Variants in CRACD observed in about 807,000 individuals in gnomAD.
CRACD encodes capping protein inhibiting regulator of actin dynamics.
Under a neutral mutation model 106.8 loss-of-function variants are expected in CRACD, and 56 were observed. The ratio of observed to expected loss-of-function variants is 0.52; its 90% CI spans 0.42 to 0.66. CRACD has a LOEUF of 0.66. Among genes scored for constraint, CRACD ranks in the 30% least tolerant of loss-of-function variants. CRACD has a pLI of 0.00. For synonymous variants in CRACD, 754 were observed against 670.8 expected (o/e 1.12, Z -1.92); for missense variants, 1,730 against 1,623.2 (o/e 1.07, Z -1.13).
chr4:56,095,935 A>C (rs11936227), intron 1 of CRACD, among the ~76,000 whole-genome samples: 1 of 152,212 alleles, frequency 6.6e-6, no homozygotes, highest in East Asian at 1.9e-4. Context: ...TAGAACCAAC[A>C]GGATTTGATG....
chr4:56,050,205 A>C (rs1179887798), intron 1 of CRACD, among the ~76,000 whole-genome samples: 2 of 151,504 alleles, frequency 1.3e-5, no homozygotes, highest in Non-Finnish European at 2.9e-5. Context: ...AAGTACGACC[A>C]TGTGTTGTGA....
Position 56,328,677 on chromosome 4 carries a change from T to C in CRACD, c.*873T>C, listed in dbSNP as rs912703315. On this transcript the variant is annotated 3_prime_UTR_variant, in exon 11 of 11. Coordinates refer to ENST00000682029, the MANE Select transcript of CRACD (RefSeq NM_001393381.1). ...GCCTGTGGGGACTGGGCCAGGAATA[T>C]GTATTCTGGCAAAAACTCTTCAGGT... 1 of 212,800 alleles carries C rather than the reference T, an allele frequency of 4.7e-6. No homozygotes were observed. The highest frequency in any genetic ancestry group is 2.3e-5 in the African/African-American group (1 of 43,172). 13.2% of individuals were successfully genotyped at this position (212,800 alleles called of 1,614,324 possible).
intron 1 of CRACD, among the ~76,000 whole-genome samples, chr4:56,137,380 G>A (rs1447816727): frequency 6.6e-6 from 1 of 152,154 alleles, no homozygotes; most frequent in African/African-American, 2.4e-5. Context: ...CGGCTCATGA[G>A]TATAAATGTA....
chr4:56,258,295 A>T (rs1386204526), intron 2 of CRACD, among the ~76,000 whole-genome samples: 1 of 152,090 alleles, frequency 6.6e-6, no homozygotes, highest in Admixed American at 6.5e-5. Flanking sequence ...GCACCTCCCC[A>T]CTTTGAGTTG....
chr4:56,274,605 A>G (rs1054264603), intron 3 of CRACD, among the ~76,000 whole-genome samples: 2 of 152,226 alleles, frequency 1.3e-5, no homozygotes, highest in East Asian at 3.8e-4. Flanking sequence ...CATTTCTAAT[A>G]ATGTCACCTG....
intron 1 of CRACD, among the ~76,000 whole-genome samples, chr4:56,156,931 T>C (rs1560466559): frequency 6.6e-6 from 1 of 152,184 alleles, no homozygotes; most frequent in East Asian, 1.9e-4. Flanking sequence ...AGGGCAGAGA[T>C]TTTTTGTTGC....
intron 3 of CRACD, among the ~76,000 whole-genome samples, chr4:56,282,667 G>A (rs1262796653): frequency 1.3e-5 from 2 of 152,162 alleles, no homozygotes; most frequent in Non-Finnish European, 2.9e-5. Context: ...CTCAGGGAGT[G>A]GCCTTTTGTC....
intron 1 of CRACD, among the ~76,000 whole-genome samples, chr4:56,056,576 C>T (rs1347954799): frequency 2.7e-5 from 4 of 147,462 alleles, no homozygotes; most frequent in African/African-American, 1.0e-4. Context: ...ATGGCAAAAC[C>T]CTGTCTCTAT....
chr4:56,186,810 C>G (rs1577722013), intron 2 of CRACD, among the ~76,000 whole-genome samples: 1 of 152,220 alleles, frequency 6.6e-6, no homozygotes, highest in Middle Eastern at 3.4e-3. Flanking sequence ...GCTTGTAATC[C>G]CAGCACTTTG....
intron 1 of CRACD, among the ~76,000 whole-genome samples, chr4:56,107,024 G>A (rs1448792182): frequency 4.6e-5 from 7 of 152,136 alleles, no homozygotes; most frequent in Non-Finnish European, 1.0e-4. Context: ...ATGCAGGAGT[G>A]CAGTGACGTG....
rs34291347 is a variant in CRACD at position 56,182,863 on chromosome 4, A to ATGTGTGTGTGTGTGTGTGTG, written c.-189+3453_-189+3472dup. ...CTCATACAACGTAGAAAAAAAAGATATGTGTGTGTGTGTGTGTGTGTGTGT... is the reference window on the plus strand; with the variant it reads ...CTCATACAACGTAGAAAAAAAAGATATGTGTGTGTGTGTGTGTGTGTGTGTGTGTGTGTGTGTGTGTGTGT... On this transcript the variant is annotated intron_variant, in intron 2 of 10. Coordinates refer to ENST00000682029, the MANE Select transcript of CRACD (RefSeq NM_001393381.1). Among the ~76,000 whole-genome samples, 14 of 144,828 alleles carry ATGTGTGTGTGTGTGTGTGTG rather than the reference A, an allele frequency of 9.7e-5. No homozygotes were observed. The East Asian group carries it at 1.1e-3, about 11-fold the overall frequency.
At chr4:56,237,489 C>G (rs185289420) in intron 2 of CRACD, among the ~76,000 whole-genome samples, 1 of 152,102 alleles carries the variant, frequency 6.6e-6, no homozygotes, top group Non-Finnish European at 1.5e-5. Context: ...TGATTCATGA[C>G]TCACTAGCTT....
chr4:56,212,216 T>C (rs1378636228), intron 2 of CRACD, among the ~76,000 whole-genome samples: 2 of 152,156 alleles, frequency 1.3e-5, no homozygotes, highest in Non-Finnish European at 2.9e-5. Flanking sequence ...GACATTCCCA[T>C]CAGCACCATT....
chr4:56,238,846 T>C (rs1193766418), intron 2 of CRACD, among the ~76,000 whole-genome samples: 1 of 152,180 alleles, frequency 6.6e-6, no homozygotes, highest in African/African-American at 2.4e-5. Flanking sequence ...GCCATTTTGA[T>C]TTCTTTTGTG....
At chr4:56,131,646 C>T (rs1347319588) in intron 1 of CRACD, among the ~76,000 whole-genome samples, 1 of 152,022 alleles carries the variant, frequency 6.6e-6, no homozygotes, top group Non-Finnish European at 1.5e-5. Context: ...TTTGTGGTCT[C>T]TTATTTTATT....
At chr4:56,075,416 G>A (rs940544839) in intron 1 of CRACD, among the ~76,000 whole-genome samples, 1 of 152,158 alleles carries the variant, frequency 6.6e-6, no homozygotes, top group African/African-American at 2.4e-5. Context: ...TTAGTCTTGG[G>A]AGGGTGTATG....
At chr4:56,296,001 G>A (rs917928761) in intron 3 of CRACD, among the ~76,000 whole-genome samples, 4 of 152,020 alleles carry the variant, frequency 2.6e-5, no homozygotes, top group Non-Finnish European at 5.9e-5. Flanking sequence ...GCTATATGGT[G>A]CCCTGGGTTA....
chr4:56,301,286 T>C, intron 4 of CRACD: 1 of 1,251,888 alleles, frequency 8.0e-7, no homozygotes, highest in South Asian at 1.3e-5. Flanking sequence ...TTAACTTGCA[T>C]GAATGCTTTG....
chr4:56,091,588 G>A (rs1733426950), intron 1 of CRACD, among the ~76,000 whole-genome samples: 1 of 152,128 alleles, frequency 6.6e-6, no homozygotes, highest in Admixed American at 6.5e-5. Flanking sequence ...TTCAGGGGCT[G>A]TGGGAAAGTG....
Sources: gnomAD v4.1 joint callset for allele counts (sites outside exome capture counted in the v4.1 genomes callset) on GRCh38, gnomAD v4.1.1 for gene constraint, MANE v1.5 for transcripts, NCBI Gene and HGNC (gene_info 2026-07-23, HGNC 2026-07-21) for gene names.